The following CELF2 variants were observed in gnomAD, a reference collection of about 807,000 sequenced individuals.
CELF2 encodes CUGBP Elav-like family member 2.
CELF2 carries 8 observed loss-of-function variants against 62.6 expected under a neutral mutation model. The observed-to-expected ratio is 0.13, with a 90% CI of 0.07 to 0.23. The LOEUF (loss-of-function observed/expected upper bound fraction) is 0.23, where lower values mean the gene tolerates loss of function less well. Among genes scored for constraint, CELF2 ranks in the 10% least tolerant of loss-of-function variants. The probability of loss-of-function intolerance (pLI) is 1.00; values close to 1 mark genes in which losing one functional copy is unlikely to be tolerated. For synonymous variants in CELF2, 258 were observed against 250.0 expected, an observed-to-expected ratio of 1.03 and a Z score of -0.30; for missense variants, 333 against 671.0, an observed-to-expected ratio of 0.50 and a Z score of 5.56.
chr10:11,149,590 G>C (rs1181823575), intron 1 of CELF2, among the ~76,000 whole-genome samples: 6 of 152,188 alleles, frequency 3.9e-5, no homozygotes, highest in Non-Finnish European at 8.8e-5. Flanking sequence ...CGCCTTGTGA[G>C]GGTGGCGTCA....
intron 9 of CELF2, among the ~76,000 whole-genome samples, chr10:11,304,563 G>C (rs1040756589): frequency 6.6e-6 from 1 of 151,588 alleles, no homozygotes; most frequent in Admixed American, 6.6e-5. Flanking sequence ...GCATCACATG[G>C]CCGGGGCTGA....
chr10:10,519,114 G>A, the CELF2 span, among the ~76,000 whole-genome samples: 1 of 152,176 alleles, frequency 6.6e-6, no homozygotes, highest in African/African-American at 2.4e-5. Flanking sequence ...CAAGCCATAA[G>A]CTAGGAACAG....
chr10:11,118,981 A>G (rs1394028508), intron 1 of CELF2, among the ~76,000 whole-genome samples: 1 of 152,252 alleles, frequency 6.6e-6, no homozygotes, highest in Non-Finnish European at 1.5e-5. Context: ...TGACTTCATC[A>G]GGAAAGGTGA....
At position 11,045,798 on chromosome 10, in the gene CELF2, A is replaced by T. The variant is rs1291872; in HGVS notation, c.74+27635A>T. On this transcript the variant is annotated intron_variant, in intron 1 of 12. Transcript: ENST00000633077. ...CTGAACGCAATATAACAAATATAAC[A>T]CAGAGACCCCCTTAAGGTGCCATAT... is the stretch of plus-strand genomic sequence containing the variant. 7.7e-3 allele frequency among the ~76,000 whole-genome samples: 1,166 copies of T among 152,308 alleles called. 16 individuals carry two copies. The highest frequency in any genetic ancestry group is 0.027 in the African/African-American group (1,115 of 41,552).
Sources: gnomAD v4.1 joint callset for allele counts (sites outside exome capture counted in the v4.1 genomes callset) on GRCh38, gnomAD v4.1.1 for gene constraint, MANE v1.5 for transcripts, NCBI Gene and HGNC (gene_info 2026-07-23, HGNC 2026-07-21) for gene names.